MAMLD1: variants seen among roughly 807,000 people sequenced by gnomAD.
The protein encoded by MAMLD1 is mastermind-like domain-containing protein 1.
In MAMLD1, 14 loss-of-function variants were observed where a neutral mutation model predicts 45.0. The ratio of observed to expected loss-of-function variants is 0.31; its 90% CI spans 0.21 to 0.49. The LOEUF (loss-of-function observed/expected upper bound fraction) is 0.49. Ranked by LOEUF, MAMLD1 falls within the 20% of genes least tolerant of loss-of-function variation. The pLI is 0.99. For synonymous variants in MAMLD1, 254 were observed against 247.8 expected, an observed-to-expected ratio of 1.02 and a Z score of -0.24; for missense variants, 543 against 603.6, an observed-to-expected ratio of 0.90 and a Z score of 1.05.
At chrX:150,398,293 GAAGAAGAAGA>G in intron 1 of MAMLD1, among the ~76,000 whole-genome samples, 1 of 87,682 alleles carries the variant, frequency 1.1e-5, no homozygotes, top group African/African-American at 4.4e-5. Context: ...AGAAGAAGAA[GAAGAAGAAGA>G]AGAAGAAGAA....
intron 1 of MAMLD1, among the ~76,000 whole-genome samples, chrX:150,423,861 T>TTTATAGCATAGGAAAAGATGATGC (rs1557403700): frequency 2.0e-4 from 23 of 112,488 alleles, no homozygotes; most frequent in African/African-American, 6.8e-4. Flanking sequence ...GTGTATGATG[T>TTTATAGCATAGGAAAAGATGATGC]TTATAGCATA....
intron 5 of MAMLD1, among the ~76,000 whole-genome samples, chrX:150,488,131 C>A (rs782478853): frequency 8.9e-6 from 1 of 112,699 alleles, no homozygotes; most frequent in Non-Finnish European, 1.9e-5. Context: ...TCATGGCCCT[C>A]CCCCTTCTCT....
At position 150,512,805 on chromosome X, in the gene MAMLD1, C is replaced by T; in HGVS notation, c.*846C>T. The T allele has an allele frequency of 3.5e-6, 4 of 1,155,885 alleles. No homozygotes were observed. Among genetic ancestry groups the T allele is most frequent in the Middle Eastern group, 2.3e-4 (1 of 4,307 alleles). ...GTTGCTGCCAGCCAGTTCCCAGGTCCGTTCGACAGAACGGATATTCCCCCT... is the reference window on the plus strand; with the variant it reads ...GTTGCTGCCAGCCAGTTCCCAGGTCTGTTCGACAGAACGGATATTCCCCCT... On this transcript the variant is annotated 3_prime_UTR_variant, in exon 8 of 8. Transcript: ENST00000370401.
chrX:150,400,780 A>G (rs1413747762), intron 1 of MAMLD1, among the ~76,000 whole-genome samples: 4 of 109,730 alleles, frequency 3.6e-5, no homozygotes, highest in African/African-American at 1.3e-4. Context: ...GCATATATTG[A>G]ACCAGCCTTG....
At chrX:150,368,637 A>G (rs1456649030) in intron 1 of MAMLD1, among the ~76,000 whole-genome samples, 1 of 111,728 alleles carries the variant, frequency 9.0e-6, no homozygotes, top group African/African-American at 3.3e-5. Flanking sequence ...GTCCTTGCCC[A>G]TGCCTATGTC....
At chrX:150,449,509 G>C (rs2035594838) in intron 2 of MAMLD1, among the ~76,000 whole-genome samples, 1 of 111,675 alleles carries the variant, frequency 9.0e-6, no homozygotes, top group Admixed American at 9.4e-5. Context: ...TTGTGTTTAT[G>C]TGACGGGGTT....
intron 1 of MAMLD1, among the ~76,000 whole-genome samples, chrX:150,372,736 C>A: frequency 1.8e-5 from 2 of 110,611 alleles, no homozygotes; most frequent in African/African-American, 6.5e-5. Context: ...TGCTGACATT[C>A]GAGCTAAAGT....
intron 5 of MAMLD1, among the ~76,000 whole-genome samples, chrX:150,489,882 G>C (rs781935892): frequency 5.4e-4 from 60 of 111,157 alleles, no homozygotes; most frequent in Middle Eastern, 4.6e-3. Context: ...AATGCAGGTG[G>C]TCTGTGACAA....
intron 5 of MAMLD1, among the ~76,000 whole-genome samples, chrX:150,486,707 C>G (rs2037000981): frequency 8.9e-6 from 1 of 112,000 alleles, no homozygotes; most frequent in Non-Finnish European, 1.9e-5. Context: ...GTGTCATCCT[C>G]TGAATTTGGT....
chrX:150,468,225 T>C (rs1557406081), intron 3 of MAMLD1, among the ~76,000 whole-genome samples: 1 of 112,060 alleles, frequency 8.9e-6, no homozygotes, highest in Non-Finnish European at 1.9e-5. Context: ...GCCTGAGACA[T>C]ACAGCCCTGG....
intron 4 of MAMLD1, among the ~76,000 whole-genome samples, chrX:150,472,293 T>C (rs1230194694): frequency 8.9e-6 from 1 of 112,489 alleles, no homozygotes; most frequent in African/African-American, 3.2e-5. Context: ...GTATTAGTTA[T>C]CTGTGGCTGC....
intron 2 of MAMLD1, among the ~76,000 whole-genome samples, chrX:150,460,308 A>G (rs1457726001): frequency 2.7e-5 from 3 of 111,190 alleles, no homozygotes; most frequent in African/African-American, 1.0e-4. Context: ...GGCCACTCTG[A>G]TGAAAGTCAC....
At chrX:150,501,662 A>G (rs1884495605) in intron 5 of MAMLD1, among the ~76,000 whole-genome samples, 1 of 112,624 alleles carries the variant, frequency 8.9e-6, no homozygotes, top group Non-Finnish European at 1.9e-5. Context: ...AGTCATCTCT[A>G]AAACTGTTCA....
chrX:150,490,767 G>T (rs1557407911), intron 5 of MAMLD1, among the ~76,000 whole-genome samples: 1 of 111,553 alleles, frequency 9.0e-6, no homozygotes. Flanking sequence ...TATGAATCAA[G>T]ACATAAAAAT....
chrX:150,401,960 T>TA (rs2033788984), intron 1 of MAMLD1, among the ~76,000 whole-genome samples: 1 of 111,117 alleles, frequency 9.0e-6, no homozygotes, highest in Non-Finnish European at 1.9e-5. Context: ...CCTAAAACCA[T>TA]AAAAACCCTA....
intron 6 of MAMLD1, among the ~76,000 whole-genome samples, chrX:150,506,471 C>T (rs1185701834): frequency 9.0e-6 from 1 of 110,871 alleles, no homozygotes; most frequent in East Asian, 2.8e-4. Context: ...ACTGCCATCC[C>T]CCAGAAGTCT....
At position 150,440,653 on chromosome X, in the gene MAMLD1, C is replaced by T. The variant is rs1410710210; in HGVS notation, c.-63-4801C>T. 2.8e-5 allele frequency among the ~76,000 whole-genome samples: 3 copies of T among 108,220 alleles called. No homozygotes were observed. The Admixed American group carries it at 3.0e-4, about 11-fold the overall frequency. The allele number at this position is 108,220 out of a possible 115,157, so 94.0% of individuals were successfully genotyped here. The stretch of plus-strand genomic sequence containing the variant: ...TATATGTGTATTCATAGTAGTAGTC[C>T]CTTATTATCCTTTTCATGTCTGCAG... On this transcript the variant is annotated intron_variant, in intron 1 of 7. Coordinates refer to ENST00000370401, the MANE Select transcript of MAMLD1 (RefSeq NM_005491.5).
chrX:150,445,206 C>G (rs1337786825), intron 1 of MAMLD1, among the ~76,000 whole-genome samples: 1 of 111,953 alleles, frequency 8.9e-6, no homozygotes, highest in Non-Finnish European at 1.9e-5. Context: ...ATCCACCCCT[C>G]TACCTTCCAG....
chrX:150,416,573 G>C (rs1243013300), intron 1 of MAMLD1, among the ~76,000 whole-genome samples: 1 of 111,699 alleles, frequency 9.0e-6, no homozygotes, highest in South Asian at 3.7e-4. Context: ...GCTTGTATGC[G>C]TTTGGTTGCT....
Sources: allele counts gnomAD v4.1 joint callset (sites outside exome capture counted in the v4.1 genomes callset), GRCh38; gene constraint gnomAD v4.1.1; transcripts MANE v1.5; gene names NCBI Gene and HGNC (gene_info 2026-07-23, HGNC 2026-07-21).